Variants in MACO1 observed in about 807,000 individuals in gnomAD.
MACO1 encodes the protein macoilin.
A neutral mutation model predicts 78.7 loss-of-function variants in MACO1; 14 were observed. The observed-to-expected ratio is 0.18, with a 90% confidence interval of 0.12 to 0.28. MACO1 has a LOEUF of 0.28. Ranked by LOEUF, MACO1 falls within the 10% of genes least tolerant of loss-of-function variation. MACO1 has a pLI of 1.00. For synonymous variants in MACO1, 288 were observed against 291.6 expected, an observed-to-expected ratio of 0.99 and a Z score of 0.12; for missense variants, 501 against 799.0, an observed-to-expected ratio of 0.63 and a Z score of 4.50.
chr1:25,470,465 G>A (rs2043257586), intron 6 of MACO1, among the ~76,000 whole-genome samples: 1 of 152,194 alleles, frequency 6.6e-6, no homozygotes, highest in South Asian at 2.1e-4. Flanking sequence ...AAGACAGAGC[G>A]GTCAGTTTAG....
intron 6 of MACO1, among the ~76,000 whole-genome samples, chr1:25,478,563 G>C (rs1233780655): frequency 6.6e-6 from 1 of 152,230 alleles, no homozygotes; most frequent in Non-Finnish European, 1.5e-5. Context: ...CCTGGCATCT[G>C]ACACAGGGAC....
In MACO1 at chr1:25,489,273, G is replaced by A; in HGVS notation, c.1597G>A (p.Glu533Lys). The change falls in exon 9 of 11, where the codon GAA becomes AAA. Residue 533 changes from glutamate (E) to lysine (K), a missense_variant. Physicochemically the swap from Glu to Lys is moderately conservative, Grantham distance 56 (BLOSUM62 1). This residue lies in a region of MACO1 where 163 missense variants were observed against 271.9 expected (regional missense o/e 0.60). Transcript: ENST00000374343. Reference protein sequence around the residue: ...DMKVKEDQIRELELKVQELRK... With the variant: ...DMKVKEDQIRKLELKVQELRK... ...GAAGGTGAAAGAAGACCAAATCAGA[G>A]AACTAGAACTAAAAGTCCAGGTAAG... 1 of 1,613,914 alleles carries A rather than the reference G, an allele frequency of 6.2e-7. No individual in the cohort carries two copies. The highest frequency in any genetic ancestry group is 1.1e-5 in the South Asian group (1 of 91,064).
In MACO1 at chr1:25,485,717, AGTTAAT is replaced by A; in HGVS notation, c.1420_1425del (p.Leu474_Met475del). 1 of 1,614,206 alleles carries A rather than the reference AGTTAAT, an allele frequency of 6.2e-7. No homozygotes were observed. The highest frequency in any genetic ancestry group is 8.5e-7 in the Non-Finnish European group (1 of 1,180,030). On this transcript the variant is annotated inframe_deletion, in exon 8 of 11. Transcript: ENST00000374343. This position sits in a 1 kb window ranked among gnomAD's most constrained non-coding sequence, Gnocchi z 4.3. ...GAAGCCCGAAGTTTTGTAGAGAAAC[AGTTAAT>A]GGAAGAGAAAAAGAGGAAGAAGTTA...
At chr1:25,489,805 A>G (rs1022348525) in intron 9 of MACO1, among the ~76,000 whole-genome samples, 4 of 152,218 alleles carry the variant, frequency 2.6e-5, no homozygotes, top group African/African-American at 9.6e-5. Flanking sequence ...TATATTGTAA[A>G]GTTACAGTAA....
rs193061666 is a variant in MACO1 at position 25,485,272 on chromosome 1, A to G, written c.1314-341A>G. On this transcript the variant is annotated intron_variant, in intron 7 of 10. Transcript: ENST00000374343. This position sits in a 1 kb window ranked among gnomAD's most constrained non-coding sequence, Gnocchi z 4.3. ...TCTTTGGTGGGACTGAAGTTCTTTC[A>G]GGGTGCTCTGGAACATTAGAATTAG... is the stretch of plus-strand genomic sequence containing the variant. Among the ~76,000 whole-genome samples the G allele has an allele frequency of 6.6e-6, 1 of 152,312 alleles. No individual in the cohort carries two copies. The highest frequency in any genetic ancestry group is 6.5e-5 in the Admixed American group (1 of 15,298).
Position 25,466,987 on chromosome 1 carries a change from G to A in MACO1, c.1154+8095G>A, listed in dbSNP as rs1018897401. Among the ~76,000 whole-genome samples the A allele has an allele frequency of 4.6e-5, 7 of 152,134 alleles. No individual in the cohort carries two copies. In the South Asian group the frequency reaches 8.3e-4, roughly 18 times the overall value. On this transcript the variant is annotated intron_variant, in intron 6 of 10. Transcript: ENST00000374343. The stretch of plus-strand genomic sequence containing the variant: ...TCAGAAATCATGCTCGGCCGGGCAC[G>A]GTGGTTCACGTCCATAATCCTAGCA...
At chr1:25,488,516 CAG>C (rs1487395609) in intron 8 of MACO1, among the ~76,000 whole-genome samples, 1 of 150,880 alleles carries the variant, frequency 6.6e-6, no homozygotes, top group Non-Finnish European at 1.5e-5. Context: ...TTTTTTGAGA[CAG>C]AGTCTCACTT....
intron 1 of MACO1, among the ~76,000 whole-genome samples, chr1:25,440,340 T>G (rs1295166372): frequency 1.4e-5 from 2 of 147,566 alleles, no homozygotes. Context: ...AGGTTGAGGC[T>G]GCAGTGAACT....
chr1:25,440,257 A>G (rs1372100357), intron 1 of MACO1, among the ~76,000 whole-genome samples: 1 of 149,160 alleles, frequency 6.7e-6, no homozygotes, highest in South Asian at 2.1e-4. Context: ...AAATTAGCCA[A>G]GCATGGTGGT....
chr1:25,448,704 C>T (rs1282978886), intron 2 of MACO1, 104 bp from the exon 3 acceptor site: 2 of 1,091,694 alleles, frequency 1.8e-6, no homozygotes, highest in Admixed American at 2.9e-5. Context: ...CAAGTTATCT[C>T]TTAGCAGTTT....
At chr1:25,455,427 C>T (rs1160789407) in intron 4 of MACO1, among the ~76,000 whole-genome samples, 1 of 152,114 alleles carries the variant, frequency 6.6e-6, no homozygotes, top group Non-Finnish European at 1.5e-5. Context: ...TAAAAAAATA[C>T]TGTTTCCAGT....
chr1:25,457,171 T>TA (rs1426840037), intron 5 of MACO1, among the ~76,000 whole-genome samples: 1 of 152,038 alleles, frequency 6.6e-6, no homozygotes, highest in Non-Finnish European at 1.5e-5. Flanking sequence ...TGATAACAGT[T>TA]AGGGACCACT....
chr1:25,460,406 G>GT (rs1175896905), intron 6 of MACO1, among the ~76,000 whole-genome samples: 2,345 of 140,010 alleles, frequency 0.017, 19 homozygotes, highest in Middle Eastern at 0.022. Context: ...TCCTACACAT[G>GT]TTTTTTTTTT....
intron 4 of MACO1, among the ~76,000 whole-genome samples, chr1:25,456,207 G>A (rs931088893): frequency 1.4e-5 from 2 of 147,712 alleles, no homozygotes; most frequent in Non-Finnish European, 3.0e-5. Flanking sequence ...GCAGTGAGCC[G>A]AGATCACACC....
At chr1:25,470,751 G>A (rs543117809) in intron 6 of MACO1, among the ~76,000 whole-genome samples, 2 of 152,306 alleles carry the variant, frequency 1.3e-5, no homozygotes, top group Non-Finnish European at 2.9e-5. Flanking sequence ...GGTAGGGGCC[G>A]GGCTCAGTGG....
chr1:25,437,553 A>G (rs956987351), intron 1 of MACO1, among the ~76,000 whole-genome samples: 1 of 152,102 alleles, frequency 6.6e-6, no homozygotes, highest in African/African-American at 2.4e-5. Context: ...AATGAATACT[A>G]TGTTCATGTC....
At chr1:25,437,008 A>G (rs1571947034) in intron 1 of MACO1, among the ~76,000 whole-genome samples, 1 of 152,276 alleles carries the variant, frequency 6.6e-6, no homozygotes, top group East Asian at 1.9e-4. Flanking sequence ...CCACTTTCAT[A>G]TATCTGTTCA....
intron 6 of MACO1, among the ~76,000 whole-genome samples, chr1:25,477,290 A>G (rs1290024123): frequency 1.3e-5 from 2 of 152,228 alleles, no homozygotes; most frequent in Non-Finnish European, 2.9e-5. Context: ...TTCCTCCCAA[A>G]GAGGTAACAT....
chr1:25,482,855 A>T (rs2043392536), intron 6 of MACO1, among the ~76,000 whole-genome samples: 1 of 152,216 alleles, frequency 6.6e-6, no homozygotes, highest in Non-Finnish European at 1.5e-5. Flanking sequence ...TAAACCCTAT[A>T]GAACAGTGCC....
Sources: gnomAD v4.1 joint callset for allele counts (sites outside exome capture counted in the v4.1 genomes callset) on GRCh38, gnomAD v4.1.1 for gene constraint, gnomAD v4.1.1 regional missense constraint, Gnocchi (gnomAD v3.1) non-coding constraint, MANE v1.5 for transcripts, NCBI Gene and HGNC (gene_info 2026-07-23, HGNC 2026-07-21) for gene names.